The following TECTA variants were observed in gnomAD, a reference collection of about 807,000 sequenced individuals.
TECTA encodes tectorin alpha, also known as alpha-tectorin.
A neutral mutation model predicts 216.8 loss-of-function variants in TECTA; 128 were observed. That is an observed-to-expected ratio of 0.59 (90% CI 0.51 to 0.68). The LOEUF (loss-of-function observed/expected upper bound fraction) is 0.68. TECTA is among the 30% of genes least tolerant of loss of function. TECTA has a pLI of 0.00. For synonymous variants in TECTA, 1,089 were observed against 1,117.1 expected, an observed-to-expected ratio of 0.97 and a Z score of 0.50; for missense variants, 2,551 against 2,786.2, an observed-to-expected ratio of 0.92 and a Z score of 1.90.
At chr11:121,149,720 C>T (rs946798090) in intron 12 of TECTA, among the ~76,000 whole-genome samples, 2 of 152,192 alleles carry the variant, frequency 1.3e-5, no homozygotes, top group Non-Finnish European at 2.9e-5. Context: ...CTCCATTCAT[C>T]CTGTCTACCA....
rs1946630724 is a variant in TECTA at position 121,127,981 on chromosome 11, G to A, written c.2004G>A (p.Thr668=). ...CCATGGGGGAGTTCTTCTGGGCCACGGCCAACTGCACTGTGCAATGCCTGT... is the reference window on the plus strand; with the variant it reads ...CCATGGGGGAGTTCTTCTGGGCCACAGCCAACTGCACTGTGCAATGCCTGT... ...YYTMGEFFWA[T]ANCTVQCLCE... The change falls in exon 9 of 24, where the codon ACG becomes ACA. Residue 668 remains threonine (T), a synonymous_variant. Transcript: ENST00000392793. This position sits in a 1 kb window ranked among gnomAD's most constrained non-coding sequence, Gnocchi z 5.0. The A allele has an allele frequency of 6.2e-7, 1 of 1,614,076 alleles. No individual in the cohort carries two copies. The highest frequency in any genetic ancestry group is 1.6e-4 in the Middle Eastern group (1 of 6,062).
intron 11 of TECTA, among the ~76,000 whole-genome samples, chr11:121,140,418 C>T (rs942995074): frequency 6.6e-6 from 1 of 152,186 alleles, no homozygotes; most frequent in African/African-American, 2.4e-5. Context: ...CCCAATCTCA[C>T]GAGATGCACT....
At chr11:121,148,402 A>C (rs955347216) in intron 12 of TECTA, among the ~76,000 whole-genome samples, 1 of 152,148 alleles carries the variant, frequency 6.6e-6, no homozygotes, top group Non-Finnish European at 1.5e-5. Context: ...CTAAAATAGG[A>C]GAAAAAATAT....
At position 121,160,339 on chromosome 11, in the gene TECTA, G is replaced by A. The variant is rs1430861274; in HGVS notation, c.4894G>A (p.Asp1632Asn). Residue 1632 changes from aspartate to asparagine, a missense_variant, in exon 15 of 24, where the codon GAT becomes AAT. Around this residue, in one of 3 missense-constraint regions of TECTA, gnomAD observed 2,375 missense variants for 2,563.9 expected, o/e 0.93. Transcript: ENST00000392793. ...CAACTTCAACGGGGACCTAACAGAT[G>A]ATTATGTGACCTTGCGAGGGAAGCC... is the stretch of plus-strand genomic sequence containing the variant. ...CGNFNGDLTDDYVTLRGKPVV... is the reference protein window; with the variant it reads ...CGNFNGDLTDNYVTLRGKPVV... The A allele has an allele frequency of 6.2e-7, 1 of 1,613,980 alleles. No individual in the cohort carries two copies. Among genetic ancestry groups the A allele is most frequent in the Non-Finnish European group, 8.5e-7 (1 of 1,180,048 alleles).
Position 121,101,354 on chromosome 11 carries a change from C to T in TECTA, c.-90C>T, listed in dbSNP as rs2135045135. The T allele has an allele frequency of 6.6e-6, 1 of 152,334 alleles. No individual in the cohort carries two copies. The highest frequency in any genetic ancestry group is 3.4e-3 in the Middle Eastern group (1 of 294). 9.4% of individuals were successfully genotyped at this position (152,334 alleles called of 1,614,324 possible). A position where few individuals can be genotyped will look rare whatever the true frequency, so the allele number is the denominator to read the frequency against. On this transcript the variant is annotated 5_prime_UTR_variant, in exon 1 of 24. Transcript: ENST00000392793. ...TTGGCAACAAGTTGAGGAGAACTGA[C>T]ATGAATTCTTGTTTTACCTAATTTT...
In TECTA at chr11:121,168,090, T is replaced by C; in HGVS notation, c.5623T>C (p.Trp1875Arg). 2 of 1,614,192 alleles carry C rather than the reference T, an allele frequency of 1.2e-6. No homozygotes were observed. Among genetic ancestry groups the C allele is most frequent in the Non-Finnish European group, 1.7e-6 (2 of 1,180,018 alleles). ...GTHIMYKNTL[W>R]IESANNTGNI... ...GCATATCATGTATAAAAACACACTC[T>C]GGATCGAAAGCGCCAACAACACTGG... is the stretch of plus-strand genomic sequence containing the variant. Residue 1875 changes from tryptophan to arginine, a missense_variant, in exon 19 of 24, where the codon TGG (tryptophan) becomes CGG (arginine). This residue lies in a region of TECTA where 2,375 missense variants were observed against 2,563.9 expected (regional missense o/e 0.93). Coordinates refer to ENST00000392793, the MANE Select transcript of TECTA (RefSeq NM_005422.4).
chr11:121,165,293 T>C lies in TECTA; in HGVS notation c.5293T>C (p.Cys1765Arg). ...TTTAGCAGGAGTGGTTGAAGATCCCTGTGTGGGGGCGGACTGTCCCAACCG... is the reference window on the plus strand; with the variant it reads ...TTTAGCAGGAGTGGTTGAAGATCCCCGTGTGGGGGCGGACTGTCCCAACCG... ...ENCSGVVEDP[C>R]VGADCPNRTC... is the part of the protein sequence containing the mutation. Residue 1765 changes from cysteine (C) to arginine (R), a missense_variant, in exon 17 of 24, where the codon TGT becomes CGT. Physicochemically the swap from Cys to Arg is radical, Grantham distance 180 (BLOSUM62 -3). This residue lies in a region of TECTA where 2,375 missense variants were observed against 2,563.9 expected (regional missense o/e 0.93). Transcript: ENST00000392793. The C allele has an allele frequency of 6.2e-7, 1 of 1,606,958 alleles. No individual in the cohort carries two copies. Among genetic ancestry groups the C allele is most frequent in the Non-Finnish European group, 8.5e-7 (1 of 1,176,856 alleles).
In TECTA at chr11:121,148,249, C is replaced by T. The variant is rs148961586; in HGVS notation, c.4105+2133C>T. ...CCCACCAGCACGTTCCAGGCCAATA[C>T]GCCAGGGCCAACAGGTAACTTAGAA... On this transcript the variant is annotated intron_variant, in intron 12 of 23. Coordinates refer to ENST00000392793, the MANE Select transcript of TECTA (RefSeq NM_005422.4). Among the ~76,000 whole-genome samples, 1,116 of 152,232 alleles carry T rather than the reference C, an allele frequency of 7.3e-3. 7 individuals carry two copies. Among genetic ancestry groups the T allele is most frequent in the Non-Finnish European group, 0.012 (811 of 68,030 alleles).
intron 13 of TECTA, among the ~76,000 whole-genome samples, chr11:121,156,516 G>A (rs1485505073): frequency 6.6e-6 from 1 of 151,948 alleles, no homozygotes; most frequent in East Asian, 1.9e-4. Flanking sequence ...GCGAGTTTTT[G>A]TATTTTTAGT....
At chr11:121,151,598 A>G (rs1382338640) in intron 12 of TECTA, among the ~76,000 whole-genome samples, 2 of 152,222 alleles carry the variant, frequency 1.3e-5, no homozygotes, top group Non-Finnish European at 2.9e-5. Context: ...AAAATTGACT[A>G]TAGTTTGCTA....
In TECTA at chr11:121,162,289, TGC is replaced by T; in HGVS notation, c.5193_5194del (p.Cys1731TrpfsTer17). On this transcript the variant is annotated frameshift_variant, in exon 16 of 24. Transcript: ENST00000392793. LOFTEE classifies it high-confidence loss of function. ...CTACAGCCACAAGAAGTTCCAGCTG[TGC>T]GGCTCCCTGGCCGCCTACGGGGAGG... is the stretch of plus-strand genomic sequence containing the variant. ...GCYSHKKFQL[C>X]GSLAAYGEAC... 1.2e-6 allele frequency: 2 copies of T among 1,613,664 alleles called. No individual in the cohort carries two copies. Among genetic ancestry groups the T allele is most frequent in the Non-Finnish European group, 1.7e-6 (2 of 1,180,044 alleles).
At chr11:121,141,372 T>G (rs998609426) in intron 11 of TECTA, among the ~76,000 whole-genome samples, 3 of 152,208 alleles carry the variant, frequency 2.0e-5, no homozygotes, top group African/African-American at 4.8e-5. Context: ...GATATGAAAG[T>G]GCTTCCTTGG....
chr11:121,117,891 A>C (rs636575), intron 6 of TECTA, among the ~76,000 whole-genome samples: 33,132 of 152,156 alleles, frequency 0.22, 3,667 homozygotes, highest in East Asian at 0.23. Context: ...ATTAGCAAGC[A>C]AACAGTGAGT....
chr11:121,125,997 G>A (rs1304771389), intron 8 of TECTA, 125 bp downstream of exon 8: 10 of 1,156,038 alleles, frequency 8.7e-6, no homozygotes, highest in South Asian at 3.9e-5. Context: ...GGTTGAAATT[G>A]CACAAATTAC....
At chr11:121,166,492 G>A (rs1361018310) in intron 17 of TECTA, 86 bp from the exon 18 acceptor site, 19 of 1,414,208 alleles carry the variant, frequency 1.3e-5, no homozygotes, top group African/African-American at 2.8e-5. Flanking sequence ...CTCTTCTAAA[G>A]GAGAATGGAA....
At chr11:121,107,349 G>T (rs933782680) in intron 3 of TECTA, among the ~76,000 whole-genome samples, 2 of 152,276 alleles carry the variant, frequency 1.3e-5, no homozygotes, top group Admixed American at 6.5e-5. Flanking sequence ...TTATTTGAGG[G>T]TAAATTGTTC....
intron 4 of TECTA, among the ~76,000 whole-genome samples, chr11:121,112,721 T>C (rs1946453653): frequency 6.6e-6 from 1 of 152,224 alleles, no homozygotes; most frequent in South Asian, 2.1e-4. Flanking sequence ...GCCGAGTCTT[T>C]CCTGTAGTTT....
intron 12 of TECTA, 177 bp downstream of exon 12, chr11:121,146,293 C>G (rs2135107255): frequency 1.4e-6 from 1 of 719,950 alleles, no homozygotes; most frequent in East Asian, 2.7e-5. Context: ...TTGGAGCCTC[C>G]ATGTCCTTAT....
rs1946621915 is a variant in TECTA, at chr11:121,127,275, T to C, written c.1775-477T>C. Among the ~76,000 whole-genome samples the C allele has an allele frequency of 2.0e-5, 3 of 152,214 alleles. No individual in the cohort carries two copies. In the South Asian group the frequency reaches 6.2e-4, roughly 31 times the overall value. ...CTTGGTCACACTTAGGTATTTTAAG[T>C]GCCTCCCTGTTACAAATTTCACGTT... On this transcript the variant is annotated intron_variant, in intron 8 of 23. Coordinates refer to ENST00000392793, the MANE Select transcript of TECTA (RefSeq NM_005422.4). This position sits in a 1 kb window ranked among gnomAD's most constrained non-coding sequence, Gnocchi z 5.0.
Sources: gnomAD v4.1 joint callset for allele counts (sites outside exome capture counted in the v4.1 genomes callset) on GRCh38, gnomAD v4.1.1 for gene constraint, gnomAD v4.1.1 regional missense constraint, Gnocchi (gnomAD v3.1) non-coding constraint, MANE v1.5 for transcripts, NCBI Gene and HGNC (gene_info 2026-07-23, HGNC 2026-07-21) for gene names.